Variants in CHST11 observed in about 807,000 individuals in gnomAD.
CHST11 encodes the protein carbohydrate sulfotransferase 11.
Under a neutral mutation model 30.4 loss-of-function variants are expected in CHST11, and 9 were observed. The observed-to-expected ratio is 0.30, with a 90% CI of 0.18 to 0.52. The LOEUF (loss-of-function observed/expected upper bound fraction) is 0.52. Among genes scored for constraint, CHST11 ranks in the 20% least tolerant of loss-of-function variants. CHST11 has a pLI of 0.97. For synonymous variants in CHST11, 152 were observed against 187.8 expected, an observed-to-expected ratio of 0.81 and a Z score of 1.56; for missense variants, 348 against 460.6, an observed-to-expected ratio of 0.76 and a Z score of 2.24.
Position 104,729,663 on chromosome 12 carries a change from C to T in CHST11, c.205-27286C>T, listed in dbSNP as rs1028413875. Among the ~76,000 whole-genome samples, 3 of 152,178 alleles carry T rather than the reference C, an allele frequency of 2.0e-5. No homozygotes were observed. Among genetic ancestry groups the T allele is most frequent in the Admixed American group, 6.5e-5 (1 of 15,282 alleles). ...CGTATTGTCTTCTCGCAACTTGAAC[C>T]TTGCTGGAGAAGTGAGAAGTGGGTG... On this transcript the variant is annotated intron_variant, in intron 2 of 2. Transcript: ENST00000303694. The surrounding 1 kb of genome is among the most constrained non-coding windows in gnomAD (Gnocchi z 4.0).
chr12:104,607,631 G>T lies in CHST11; in HGVS notation c.204+5640G>T, dbSNP rs368640085. On this transcript the variant is annotated intron_variant, in intron 2 of 2. Coordinates refer to ENST00000303694, the MANE Select transcript of CHST11 (RefSeq NM_018413.6). ...AAGAGAGACAGCATCACAGAACGGG[G>T]AACATCAGCGAGGCCACAGGGAGAC... Among the ~76,000 whole-genome samples the T allele has an allele frequency of 3.9e-5, 6 of 152,264 alleles. No homozygotes were observed. The South Asian group carries it at 1.0e-3, about 26-fold the overall frequency.
intron 2 of CHST11, among the ~76,000 whole-genome samples, chr12:104,704,923 G>A (rs560667975): frequency 6.5e-4 from 99 of 152,210 alleles, no homozygotes; most frequent in South Asian, 4.2e-3. Context: ...AATCTCAGGG[G>A]ACTTGACAAA....
chr12:104,505,788 T>G (rs1026633771), intron 1 of CHST11, among the ~76,000 whole-genome samples: 11 of 152,334 alleles, frequency 7.2e-5, no homozygotes, highest in Admixed American at 3.3e-4. Flanking sequence ...CCGTTATTAT[T>G]TGCTTAGCAG....
intron 1 of CHST11, among the ~76,000 whole-genome samples, chr12:104,579,289 A>G (rs1018599114): frequency 2.6e-5 from 4 of 152,154 alleles, no homozygotes; most frequent in Non-Finnish European, 4.4e-5. Context: ...GAATAAGACT[A>G]GACTTGGGTC....
chr12:104,666,530 C>G (rs2039644215), intron 2 of CHST11, among the ~76,000 whole-genome samples: 1 of 152,110 alleles, frequency 6.6e-6, no homozygotes, highest in Non-Finnish European at 1.5e-5. Flanking sequence ...ACTCGTTTGC[C>G]TCTGTCTGCG....
intron 1 of CHST11, among the ~76,000 whole-genome samples, chr12:104,597,880 C>T (rs2038921933): frequency 6.6e-6 from 1 of 152,182 alleles, no homozygotes; most frequent in Non-Finnish European, 1.5e-5. Flanking sequence ...GAAGAGGTGA[C>T]CCAGTGTGGC....
chr12:104,469,828 C>A (rs1240399083), intron 1 of CHST11, among the ~76,000 whole-genome samples: 2 of 152,182 alleles, frequency 1.3e-5, no homozygotes, highest in Non-Finnish European at 2.9e-5. Context: ...AGGCCAGGCT[C>A]ACATTTGAAA....
intron 1 of CHST11, chr12:104,552,977 G>C (rs947215385): frequency 6.6e-6 from 1 of 152,212 alleles, no homozygotes; most frequent in Non-Finnish European, 1.5e-5. Context: ...GGAAAAGTCA[G>C]TAACTAGTTA....
intron 2 of CHST11, among the ~76,000 whole-genome samples, chr12:104,715,589 A>G (rs2040124404): frequency 6.6e-6 from 1 of 152,152 alleles, no homozygotes; most frequent in Admixed American, 6.5e-5. Context: ...CATCCAGAGG[A>G]GCATGTTGTA....
chr12:104,624,055 G>T (rs750347800), intron 2 of CHST11, among the ~76,000 whole-genome samples: 33 of 152,186 alleles, frequency 2.2e-4, no homozygotes, highest in Non-Finnish European at 4.3e-4. Context: ...AGCCTTGATG[G>T]AGGGAAGGTA....
intron 2 of CHST11, among the ~76,000 whole-genome samples, chr12:104,623,982 T>G (rs1247484579): frequency 6.6e-6 from 1 of 152,032 alleles, no homozygotes; most frequent in Non-Finnish European, 1.5e-5. Flanking sequence ...CCATGATGAA[T>G]GGGGGCTCCT....
intron 1 of CHST11, among the ~76,000 whole-genome samples, chr12:104,487,373 C>T (rs2037691479): frequency 6.6e-6 from 1 of 152,128 alleles, no homozygotes; most frequent in Non-Finnish European, 1.5e-5. Flanking sequence ...GCGATCCTCC[C>T]ACCTCAGCCT....
chr12:104,689,886 T>C (rs2039881641), intron 2 of CHST11, among the ~76,000 whole-genome samples: 1 of 152,154 alleles, frequency 6.6e-6, no homozygotes, highest in Non-Finnish European at 1.5e-5. Context: ...CCCCCGTCTC[T>C]TCCCTTTCCT....
intron 1 of CHST11, among the ~76,000 whole-genome samples, chr12:104,476,328 T>C (rs1386647677): frequency 6.6e-6 from 1 of 151,204 alleles, no homozygotes; most frequent in Non-Finnish European, 1.5e-5. Flanking sequence ...TACACACATA[T>C]AATATATACA....
chr12:104,628,600 A>G (rs962307724), intron 2 of CHST11, among the ~76,000 whole-genome samples: 1 of 152,136 alleles, frequency 6.6e-6, no homozygotes, highest in African/African-American at 2.4e-5. Context: ...GAGCAGCATC[A>G]TTTCAATAGA....
chr12:104,752,507 TATTTATTTA>T (rs1178280246), intron 2 of CHST11, among the ~76,000 whole-genome samples: 4 of 17,130 alleles, frequency 2.3e-4, no homozygotes, highest in African/African-American at 1.5e-3. Flanking sequence ...TTTATTTACT[TATTTATTTA>T]TTTATTTATT....
intron 2 of CHST11, among the ~76,000 whole-genome samples, chr12:104,629,820 T>A (rs1386183795): frequency 1.3e-5 from 2 of 152,174 alleles, no homozygotes; most frequent in Non-Finnish European, 2.9e-5. Flanking sequence ...TGGGACTCCA[T>A]CTCAAAATTT....
chr12:104,528,434 G>A (rs75742739), intron 1 of CHST11, among the ~76,000 whole-genome samples: 2,379 of 152,214 alleles, frequency 0.016, 113 homozygotes, highest in East Asian at 0.14. Flanking sequence ...TGAAACTGGC[G>A]AGCAAATGAA....
intron 1 of CHST11, among the ~76,000 whole-genome samples, chr12:104,485,501 CT>C (rs2037668905): frequency 6.6e-6 from 1 of 152,224 alleles, no homozygotes; most frequent in Non-Finnish European, 1.5e-5. Flanking sequence ...GGGAACCTCG[CT>C]GTTTCTGGCC....
Sources: allele counts gnomAD v4.1 joint callset (sites outside exome capture counted in the v4.1 genomes callset), GRCh38; gene constraint gnomAD v4.1.1; non-coding constraint Gnocchi (gnomAD v3.1); transcripts MANE v1.5; gene names NCBI Gene and HGNC (gene_info 2026-07-23, HGNC 2026-07-21).